SH3D19: variants seen among roughly 807,000 people sequenced by gnomAD.
SH3D19 encodes the protein SH3 domain containing 19, also known as SH3 domain-containing protein 19.
SH3D19 carries 58 observed loss-of-function variants against 112.1 expected under a neutral mutation model. The observed-to-expected ratio is 0.52, with a 90% CI of 0.42 to 0.64. The LOEUF is 0.64. Among genes scored for constraint, SH3D19 ranks in the 30% least tolerant of loss-of-function variants. The probability of loss-of-function intolerance (pLI) is 0.00; values close to 1 mark genes in which losing one functional copy is unlikely to be tolerated. For synonymous variants in SH3D19, 391 were observed against 448.5 expected (o/e 0.87, Z 1.62); for missense variants, 1,090 against 1,263.4 (o/e 0.86, Z 2.08).
Position 151,197,661 on chromosome 4 carries a change from A to G in SH3D19, c.153-10198T>C, listed in dbSNP as rs893298762. Among the ~76,000 whole-genome samples the G allele has an allele frequency of 4.3e-4, 66 of 152,354 alleles. 1 individual carries two copies. The highest frequency in any genetic ancestry group is 7.1e-4 in the Non-Finnish European group (48 of 68,044). ...CCTACTATTAATTCTAAAACATACGAAAAATCAGTGTGTTTAGACAGCAGA... is the reference window on the plus strand; with the variant it reads ...CCTACTATTAATTCTAAAACATACGGAAAATCAGTGTGTTTAGACAGCAGA... On this transcript the variant is annotated intron_variant, in intron 2 of 19. Coordinates refer to ENST00000604030, the MANE Select transcript of SH3D19 (RefSeq NM_001378122.1).
intron 14 of SH3D19, among the ~76,000 whole-genome samples, chr4:151,137,506 C>T (rs1301976243): frequency 6.6e-6 from 1 of 152,184 alleles, no homozygotes; most frequent in East Asian, 1.9e-4. Flanking sequence ...GGTGGTCTTT[C>T]ACTTTAGGAT....
At chr4:151,194,016 A>ATTTTTTTTTTTTTTTTTTTT (rs201719037) in intron 2 of SH3D19, among the ~76,000 whole-genome samples, 1 of 111,902 alleles carries the variant, frequency 8.9e-6, no homozygotes, top group African/African-American at 4.5e-5. Context: ...AGTAGGATTA[A>ATTTTTTTTTTTTTTTTTTTT]TTTTTTTTTT....
chr4:151,153,173 C>T (rs1483927897), intron 9 of SH3D19, among the ~76,000 whole-genome samples: 1 of 152,092 alleles, frequency 6.6e-6, no homozygotes, highest in Non-Finnish European at 1.5e-5. Context: ...CTCCCAAGAC[C>T]ACACTCTTGT....
chr4:151,280,987 T>C (rs756341479), intron 1 of SH3D19, among the ~76,000 whole-genome samples: 4 of 151,858 alleles, frequency 2.6e-5, no homozygotes, highest in Non-Finnish European at 5.9e-5. Flanking sequence ...CAAGAAGCCA[T>C]AGGAGAATCT....
At chr4:151,242,523 C>T (rs181907746) in intron 1 of SH3D19, among the ~76,000 whole-genome samples, 21 of 152,260 alleles carry the variant, frequency 1.4e-4, no homozygotes, top group Non-Finnish European at 2.2e-4. Flanking sequence ...TCCCATGATC[C>T]AGGTGGCTTT....
chr4:151,181,304 G>C (rs182870874), intron 3 of SH3D19, among the ~76,000 whole-genome samples: 1 of 152,250 alleles, frequency 6.6e-6, no homozygotes, highest in Admixed American at 6.5e-5. Flanking sequence ...TGAACAAGGA[G>C]GCTGTCAAAA....
intron 17 of SH3D19, among the ~76,000 whole-genome samples, chr4:151,131,580 G>A (rs567763330): frequency 3.6e-4 from 55 of 150,744 alleles, no homozygotes; most frequent in African/African-American, 1.3e-3. Flanking sequence ...TCTGCCCCCC[G>A]GGTTCACGCC....
intron 1 of SH3D19, among the ~76,000 whole-genome samples, chr4:151,270,354 G>A (rs1446664461): frequency 6.6e-6 from 1 of 151,994 alleles, no homozygotes; most frequent in Non-Finnish European, 1.5e-5. Context: ...TTAAGTGTAT[G>A]GCACCTCCCC....
At chr4:151,302,666 G>A (rs10019759) in intron 1 of SH3D19, among the ~76,000 whole-genome samples, 4,505 of 152,300 alleles carry the variant, frequency 0.03, 186 homozygotes, top group East Asian at 0.097. Flanking sequence ...CAGTCAGTGA[G>A]CCTGGGCTCT....
chr4:151,302,738 G>T (rs540911121), intron 1 of SH3D19, among the ~76,000 whole-genome samples: 1 of 152,096 alleles, frequency 6.6e-6, no homozygotes, highest in Non-Finnish European at 1.5e-5. Context: ...GTCATATAGC[G>T]GGCTAGTGGG....
At chr4:151,221,019 C>T (rs1464383533) in intron 2 of SH3D19, among the ~76,000 whole-genome samples, 1 of 152,178 alleles carries the variant, frequency 6.6e-6, no homozygotes, top group East Asian at 1.9e-4. Context: ...AACATCAAAA[C>T]AAAGTAATCA....
intron 1 of SH3D19, among the ~76,000 whole-genome samples, chr4:151,297,661 C>A (rs947539026): frequency 6.6e-6 from 1 of 152,026 alleles, no homozygotes; most frequent in Non-Finnish European, 1.5e-5. Flanking sequence ...AATGTTGTAC[C>A]ATTAAATAAA....
chr4:151,208,530 C>A (rs1449202490), intron 2 of SH3D19, among the ~76,000 whole-genome samples: 1 of 152,144 alleles, frequency 6.6e-6, no homozygotes, highest in Non-Finnish European at 1.5e-5. Context: ...GGCACGAAAC[C>A]TGGCTAGTTT....
intron 2 of SH3D19, among the ~76,000 whole-genome samples, chr4:151,198,932 T>C (rs1168783751): frequency 2.0e-5 from 3 of 152,036 alleles, no homozygotes; most frequent in South Asian, 2.1e-4. Context: ...ACTTCAGCAG[T>C]GGGTAGGCAC....
At chr4:151,315,328 T>C (rs1326547435) in intron 1 of SH3D19, among the ~76,000 whole-genome samples, 4 of 152,214 alleles carry the variant, frequency 2.6e-5, no homozygotes, top group Admixed American at 6.5e-5. Context: ...TGTTATTTGA[T>C]TATCTTAGCC....
chr4:151,181,966 T>A (rs751043099), intron 3 of SH3D19, among the ~76,000 whole-genome samples: 3 of 150,892 alleles, frequency 2.0e-5, no homozygotes, highest in Non-Finnish European at 4.4e-5. Context: ...CATAACCAGT[T>A]GAAAAACCCG....
intron 1 of SH3D19, among the ~76,000 whole-genome samples, chr4:151,311,514 T>A (rs938186600): frequency 2.6e-5 from 4 of 152,052 alleles, no homozygotes; most frequent in African/African-American, 4.8e-5. Context: ...ATCTCACTTG[T>A]ATGTGGAATC....
intron 1 of SH3D19, among the ~76,000 whole-genome samples, chr4:151,247,354 C>G (rs1205829528): frequency 6.6e-6 from 1 of 152,136 alleles, no homozygotes; most frequent in Non-Finnish European, 1.5e-5. Context: ...GGTAGAATTT[C>G]TTTGCAAACT....
chr4:151,248,358 G>T (rs1771103252), intron 1 of SH3D19, among the ~76,000 whole-genome samples: 1 of 152,126 alleles, frequency 6.6e-6, no homozygotes, highest in South Asian at 2.1e-4. Context: ...ACAGTGTTCA[G>T]AATTTAGTGC....
Sources: gnomAD v4.1 joint callset for allele counts (sites outside exome capture counted in the v4.1 genomes callset) on GRCh38, gnomAD v4.1.1 for gene constraint, MANE v1.5 for transcripts, NCBI Gene and HGNC (gene_info 2026-07-23, HGNC 2026-07-21) for gene names.